The following DMRTC2 variants were observed in gnomAD, a reference collection of about 807,000 sequenced individuals.
DMRTC2 encodes the protein DMRT like family C2.
In DMRTC2, 13 loss-of-function variants were observed where a neutral mutation model predicts 39.9. The ratio of observed to expected loss-of-function variants is 0.33; its 90% confidence interval spans 0.21 to 0.52. DMRTC2 has a LOEUF of 0.52. Ranked by LOEUF, DMRTC2 falls within the 20% of genes least tolerant of loss-of-function variation. The pLI, the probability that DMRTC2 is intolerant of heterozygous loss-of-function variation, is 0.96. For synonymous variants in DMRTC2, 189 were observed against 185.2 expected (o/e 1.02, Z -0.17); for missense variants, 431 against 472.8 (o/e 0.91, Z 0.82).
At chr19:41,848,718 C>G (rs1555836584) in intron 4 of DMRTC2, 77 bp from the exon 5 acceptor site, 2 of 1,602,120 alleles carry the variant, frequency 1.2e-6, no homozygotes, top group South Asian at 2.2e-5. Flanking sequence ...TTTTGGGGTT[C>G]TGCCCGTATC....
rs968618829 is a variant in DMRTC2 at position 41,852,030 on chromosome 19, G to T, written c.*334G>T. The T allele has an allele frequency of 8.8e-6, 2 of 226,812 alleles. No homozygotes were observed. The allele number at this position is 226,812 out of a possible 1,614,324, so 14.0% of individuals were successfully genotyped here. The stretch of plus-strand genomic sequence containing the variant: ...GTGTTTGCATGAGTTTACATCCCAG[G>T]ATTCCATGATTCTGTAAATGCCTAT... On this transcript the variant is annotated 3_prime_UTR_variant, in exon 9 of 9. Transcript: ENST00000269945.
At chr19:41,847,709 CT>C (rs781909314) in intron 2 of DMRTC2, 26 bp from the exon 3 acceptor site, 2 of 1,613,960 alleles carry the variant, frequency 1.2e-6, no homozygotes, top group South Asian at 2.2e-5. Flanking sequence ...GGTGGCTGAC[CT>C]TTGACTTGCA....
At position 41,847,505 on chromosome 19, in the gene DMRTC2, A is replaced by G; in HGVS notation, c.77A>G (p.Gln26Arg). 1.2e-6 allele frequency: 2 copies of G among 1,613,890 alleles called. No homozygotes were observed. Among genetic ancestry groups the G allele is most frequent in the South Asian group, 1.1e-5 (1 of 91,054 alleles). ...CCCTGGGATGAGACCAGAGACCCCC[A>G]GAGCACAGAGCTGATCCCCAGGAGA... ...SAPWDETRDPQSTELIPRRAI... is the reference protein window; with the variant it reads ...SAPWDETRDPRSTELIPRRAI... Residue 26 changes from glutamine (Q) to arginine (R), a missense_variant, in exon 2 of 9, where the codon CAG (glutamine) becomes CGG (arginine). Coordinates refer to ENST00000269945, the MANE Select transcript of DMRTC2 (RefSeq NM_001040283.3).
Sources: gnomAD v4.1 joint callset for allele counts on GRCh38, gnomAD v4.1.1 for gene constraint, MANE v1.5 for transcripts, NCBI Gene and HGNC (gene_info 2026-07-23, HGNC 2026-07-21) for gene names.